The following COG5 variants were observed in gnomAD, a reference collection of about 807,000 sequenced individuals.
The protein encoded by COG5 is component of oligomeric golgi complex 5.
A neutral mutation model predicts 110.4 loss-of-function variants in COG5; 86 were observed. The observed-to-expected ratio is 0.78, with a 90% CI of 0.65 to 0.93. The LOEUF is 0.93. COG5 is among the 40% of genes least tolerant of loss of function. The probability of loss-of-function intolerance (pLI) is 0.00; values close to 1 mark genes in which losing one functional copy is unlikely to be tolerated. For missense variants in COG5, 1,077 were observed against 987.0 expected, an observed-to-expected ratio of 1.09 and a Z score of -1.22; for synonymous variants, 360 against 334.6, an observed-to-expected ratio of 1.08 and a Z score of -0.83.
rs1813200892 is a variant in COG5, at chr7:107,362,386, T to G, written c.870A>C (p.Gly290=). The G allele has an allele frequency of 3.1e-6, 5 of 1,613,860 alleles. No homozygotes were observed. The African/African-American group carries it at 5.3e-5, about 17-fold the overall frequency. ...ATGAGGCACGCAAAGCTGCAGTATT[T>G]CCTGGGGTTGGCATGGTAGATCGTC... ...GPGRSTMPTP[G]NTAALRASFW... Residue 290 remains glycine (G), a synonymous_variant, in exon 9 of 22, where the codon GGA becomes GGC. Transcript: ENST00000297135.
intron 12 of COG5, among the ~76,000 whole-genome samples, chr7:107,285,236 G>A (rs772390558): frequency 6.6e-6 from 1 of 152,100 alleles, no homozygotes; most frequent in Admixed American, 6.5e-5. Flanking sequence ...AGACCATGAT[G>A]GAAGCATGAA....
intron 10 of COG5, among the ~76,000 whole-genome samples, chr7:107,334,839 C>T (rs1053002337): frequency 2.6e-5 from 4 of 151,764 alleles, no homozygotes; most frequent in Non-Finnish European, 5.9e-5. Context: ...ATAAAACCCA[C>T]CGTTAAAATT....
At chr7:107,285,597 T>G (rs1805564798) in intron 12 of COG5, among the ~76,000 whole-genome samples, 1 of 152,256 alleles carries the variant, frequency 6.6e-6, no homozygotes, top group Non-Finnish European at 1.5e-5. Context: ...ACTGTCTACA[T>G]GCCCCACCTT....
chr7:107,284,749 TC>T (rs1304987894), intron 12 of COG5, among the ~76,000 whole-genome samples: 2 of 152,368 alleles, frequency 1.3e-5, no homozygotes, highest in East Asian at 3.9e-4. Context: ...CTTACATTTT[TC>T]TTTCGACAAT....
At position 107,474,732 on chromosome 7, in the gene COG5, T is replaced by C; in HGVS notation, c.538+52505A>G. 6.2e-7 allele frequency: 1 copy of C among 1,610,826 alleles called. No homozygotes were observed. ...AGATCCCAATATTCTTTTTCACTGT[T>C]GTAGTAATGTTAATCACATACACCA... On this transcript the variant is annotated intron_variant, in intron 6 of 21. Coordinates refer to ENST00000297135, the MANE Select transcript of COG5 (RefSeq NM_006348.5). This position sits in a 1 kb window ranked among gnomAD's most constrained non-coding sequence, Gnocchi z 5.7.
At chr7:107,318,915 TA>T (rs1809000064) in intron 11 of COG5, among the ~76,000 whole-genome samples, 1 of 152,194 alleles carries the variant, frequency 6.6e-6, no homozygotes, top group Non-Finnish European at 1.5e-5. Flanking sequence ...TTTCAACAAC[TA>T]TTTTTTTCTA....
At chr7:107,343,813 A>G (rs971459612) in intron 10 of COG5, among the ~76,000 whole-genome samples, 4 of 152,174 alleles carry the variant, frequency 2.6e-5, no homozygotes, top group East Asian at 1.9e-4. Context: ...ATACATCTCA[A>G]TCAGAGTTCT....
Position 107,203,183 on chromosome 7 carries a change from A to G in COG5, c.*333T>C. ...AGGGTACATGTTATAACTTGATCATATCCCTTTAAAAGAAGTGGGGACTTT... is the reference window on the plus strand; with the variant it reads ...AGGGTACATGTTATAACTTGATCATGTCCCTTTAAAAGAAGTGGGGACTTT... On this transcript the variant is annotated 3_prime_UTR_variant, in exon 22 of 22. Coordinates refer to ENST00000297135, the MANE Select transcript of COG5 (RefSeq NM_006348.5). 2.8e-6 allele frequency: 1 copy of G among 354,466 alleles called. No homozygotes were observed. Among genetic ancestry groups the G allele is most frequent in the Non-Finnish European group, 5.4e-6 (1 of 185,514 alleles). The allele number at this position is 354,466 out of a possible 1,614,324, so 22.0% of individuals were successfully genotyped here. A position where few individuals can be genotyped will look rare whatever the true frequency, so the allele number is the denominator to read the frequency against.
intron 14 of COG5, among the ~76,000 whole-genome samples, chr7:107,264,385 T>C (rs1803622080): frequency 6.6e-6 from 1 of 151,142 alleles, no homozygotes; most frequent in South Asian, 2.1e-4. Flanking sequence ...GTAAGAAATA[T>C]ATTGTAAAAA....
At chr7:107,497,703 A>G (rs78362967) in intron 6 of COG5, among the ~76,000 whole-genome samples, 1 of 152,190 alleles carries the variant, frequency 6.6e-6, no homozygotes, top group East Asian at 1.9e-4. Context: ...ATACTGTTAA[A>G]ATTTCCCTAC....
In COG5 at chr7:107,399,479, A is replaced by G. The variant is rs1791267318; in HGVS notation, c.669+13023T>C. Among the ~76,000 whole-genome samples the G allele has an allele frequency of 2.6e-5, 4 of 151,938 alleles. No homozygotes were observed. The South Asian group carries it at 8.3e-4, about 32-fold the overall frequency. On this transcript the variant is annotated intron_variant, in intron 7 of 21. Transcript: ENST00000297135. Reference sequence around the variant, plus strand: ...TTTTCACCAGACTTGATGGTTTTATAATGGGCTCTTTCCCCTTAGCTCCAC... The same window carrying G: ...TTTTCACCAGACTTGATGGTTTTATGATGGGCTCTTTCCCCTTAGCTCCAC...
intron 7 of COG5, among the ~76,000 whole-genome samples, chr7:107,375,884 C>T (rs1814598485): frequency 6.6e-6 from 1 of 151,838 alleles, no homozygotes; most frequent in Non-Finnish European, 1.5e-5. Flanking sequence ...GATAAGTGTT[C>T]CCCACCCCAC....
chr7:107,394,281 G>A (rs927578274), intron 7 of COG5, among the ~76,000 whole-genome samples: 1 of 147,332 alleles, frequency 6.8e-6, no homozygotes, highest in African/African-American at 2.6e-5. Flanking sequence ...TATTTTTTAA[G>A]TGAAAAAGAT....
chr7:107,338,748 T>C (rs1810921438), intron 10 of COG5, among the ~76,000 whole-genome samples: 1 of 152,042 alleles, frequency 6.6e-6, no homozygotes, highest in African/African-American at 2.4e-5. Flanking sequence ...ATCTAGAATA[T>C]ATAGTAACAG....
At chr7:107,234,018 G>T (rs1238590491) in intron 18 of COG5, among the ~76,000 whole-genome samples, 1 of 152,164 alleles carries the variant, frequency 6.6e-6, no homozygotes, top group African/African-American at 2.4e-5. Context: ...CAAAGATAAT[G>T]ATCACAGATA....
chr7:107,426,109 A>G (rs887146175), intron 6 of COG5, among the ~76,000 whole-genome samples: 10 of 152,096 alleles, frequency 6.6e-5, no homozygotes, highest in Non-Finnish European at 5.9e-5. Flanking sequence ...TGACATCTTG[A>G]TTTTGGACTT....
chr7:107,361,718 C>G (rs373162403), intron 10 of COG5, among the ~76,000 whole-genome samples: 1 of 152,124 alleles, frequency 6.6e-6, no homozygotes, highest in African/African-American at 2.4e-5. Context: ...TATGCCACCA[C>G]GCCCGGCTAA....
Position 107,478,949 on chromosome 7 carries a change from A to T in COG5, c.538+48288T>A, listed in dbSNP as rs72494494. ...ATTTTATTGCATTTCATGATTACACAATTAAGTAAGCTTTGTGATTCAATT... is the reference window on the plus strand; with the variant it reads ...ATTTTATTGCATTTCATGATTACACTATTAAGTAAGCTTTGTGATTCAATT... On this transcript the variant is annotated intron_variant, in intron 6 of 21. Coordinates refer to ENST00000297135, the MANE Select transcript of COG5 (RefSeq NM_006348.5). Among the ~76,000 whole-genome samples, 826 of 152,188 alleles carry T rather than the reference A, an allele frequency of 5.4e-3. 47 individuals are homozygous for T. In the East Asian group the frequency reaches 0.11, roughly 20 times the overall value.
At chr7:107,255,803 G>A (rs1411240223) in intron 16 of COG5, among the ~76,000 whole-genome samples, 1 of 152,004 alleles carries the variant, frequency 6.6e-6, no homozygotes, top group African/African-American at 2.4e-5. Flanking sequence ...CAGGTAGTTT[G>A]GCTCCAAAGT....
Sources: allele counts gnomAD v4.1 joint callset (sites outside exome capture counted in the v4.1 genomes callset), GRCh38; gene constraint gnomAD v4.1.1; non-coding constraint Gnocchi (gnomAD v3.1); transcripts MANE v1.5; gene names NCBI Gene and HGNC (gene_info 2026-07-23, HGNC 2026-07-21).